COA1: variants seen among roughly 807,000 people sequenced by gnomAD.
COA1 encodes the protein cytochrome c oxidase assembly factor 1 homolog.
In COA1, 13 loss-of-function variants were observed where a neutral mutation model predicts 16.0. The ratio of observed to expected loss-of-function variants is 0.81; its 90% CI spans 0.53 to 1.29. The LOEUF is 1.29. COA1 is among the 50% of genes most tolerant of loss of function. The probability of loss-of-function intolerance (pLI) is 0.00; values close to 1 mark genes in which losing one functional copy is unlikely to be tolerated. For synonymous variants in COA1, 65 were observed against 65.7 expected, an observed-to-expected ratio of 0.99 and a Z score of 0.05; for missense variants, 179 against 177.0, an observed-to-expected ratio of 1.01 and a Z score of -0.06.
chr7:43,714,373 A>G (rs2095336034), intron 1 of COA1, among the ~76,000 whole-genome samples: 1 of 152,142 alleles, frequency 6.6e-6, no homozygotes, highest in Admixed American at 6.5e-5. Context: ...CATACCTGTA[A>G]TCCCAGCACT....
chr7:43,661,411 C>T (rs993229250), intron 1 of COA1, among the ~76,000 whole-genome samples: 2 of 152,134 alleles, frequency 1.3e-5, no homozygotes, highest in East Asian at 1.9e-4. Flanking sequence ...CCAAAGCGGG[C>T]GGATCACAGG....
At chr7:43,694,450 T>A (rs74920080) in intron 1 of COA1, among the ~76,000 whole-genome samples, 5 of 152,070 alleles carry the variant, frequency 3.3e-5, no homozygotes, top group Non-Finnish European at 7.4e-5. Context: ...AAACAACTCC[T>A]GTGAAAGTCT....
intron 1 of COA1, among the ~76,000 whole-genome samples, chr7:43,719,070 C>G (rs1309219347): frequency 6.6e-6 from 1 of 151,556 alleles, no homozygotes; most frequent in Non-Finnish European, 1.5e-5. Context: ...CTCCCAGGTT[C>G]AAGCAATTCT....
intron 4 of COA1, chr7:43,641,360 CTACTT>C (rs2087043138): frequency 6.8e-6 from 1 of 148,006 alleles, no homozygotes; most frequent in Non-Finnish European, 1.5e-5. Flanking sequence ...ATATTAAACT[CTACTT>C]AATGATATAT....
chr7:43,661,560 G>A (rs552376600), intron 1 of COA1, among the ~76,000 whole-genome samples: 66 of 152,152 alleles, frequency 4.3e-4, no homozygotes, highest in South Asian at 6.2e-4. Context: ...GCGTGAACCC[G>A]GGAGGCGGAG....
intron 1 of COA1, among the ~76,000 whole-genome samples, chr7:43,722,716 T>C (rs1207785459): frequency 6.6e-6 from 1 of 152,252 alleles, no homozygotes; most frequent in African/African-American, 2.4e-5. Context: ...ACATTCTTTA[T>C]GTGATTGCAT....
intron 1 of COA1, among the ~76,000 whole-genome samples, chr7:43,707,247 A>T (rs187144338): frequency 6.6e-6 from 1 of 152,370 alleles, no homozygotes; most frequent in East Asian, 1.9e-4. Flanking sequence ...TAATAAATAC[A>T]ACATCAAGAC....
rs1031326105 is a variant in COA1 at position 43,647,617 on chromosome 7, C to A, written c.33G>T (p.Arg11=). The A allele has an allele frequency of 1.9e-6, 3 of 1,612,520 alleles. No homozygotes were observed. The highest frequency in any genetic ancestry group is 2.7e-5 in the African/African-American group (2 of 74,886). Residue 11 remains arginine (R), a synonymous_variant, in exon 3 of 6, where the codon CGG becomes CGT. Coordinates refer to ENST00000223336, the MANE Select transcript of COA1 (RefSeq NM_018224.4). ...GGATCCTTGCTCCCAGAGGCATTGA[C>A]CGCCTGCTTCCTGCATACTTAAAAA... MMWQKYAGSR[R]SMPLGARILF...
At chr7:43,691,271 A>G (rs1225855798) in intron 1 of COA1, among the ~76,000 whole-genome samples, 2 of 26,562 alleles carry the variant, frequency 7.5e-5, no homozygotes, top group African/African-American at 1.8e-4. Context: ...AAAGAAAAGA[A>G]AGAAAGAAAG....
At chr7:43,687,844 G>A (rs1263776197) in intron 1 of COA1, among the ~76,000 whole-genome samples, 1 of 152,120 alleles carries the variant, frequency 6.6e-6, no homozygotes, top group Admixed American at 6.5e-5. Context: ...AACAGGCAGT[G>A]ATATGGTTTG....
At chr7:43,721,488 AT>A (rs2095503998) in intron 1 of COA1, among the ~76,000 whole-genome samples, 1 of 152,210 alleles carries the variant, frequency 6.6e-6, no homozygotes, top group African/African-American at 2.4e-5. Context: ...TCAAAAAAAA[AT>A]GAAGAGACTG....
At chr7:43,655,792 G>A (rs1258956306) in intron 1 of COA1, among the ~76,000 whole-genome samples, 1 of 152,184 alleles carries the variant, frequency 6.6e-6, no homozygotes, top group Non-Finnish European at 1.5e-5. Context: ...AACAGGAGGA[G>A]GCAGAATTGA....
chr7:43,638,566 CTTTTTTTTT>C (rs746584234), downstream of COA1, among the ~76,000 whole-genome samples: 18 of 97,420 alleles, frequency 1.8e-4, no homozygotes, highest in Non-Finnish European at 3.0e-4. Flanking sequence ...TTTTTCTTTC[CTTTTTTTTT>C]TTTTTTTTTT....
chr7:43,624,472 A>C, intron 6 of COA1: 2 of 1,532,922 alleles, frequency 1.3e-6, no homozygotes, highest in Non-Finnish European at 1.8e-6. Flanking sequence ...TCTAATTTTA[A>C]TTGAAGTTCT....
chr7:43,705,173 C>T (rs2094923163), intron 1 of COA1, among the ~76,000 whole-genome samples: 1 of 152,178 alleles, frequency 6.6e-6, no homozygotes, highest in South Asian at 2.1e-4. Flanking sequence ...GTACCTACTG[C>T]TCTGAAGGAG....
At chr7:43,698,806 C>G (rs1259953699) in intron 1 of COA1, among the ~76,000 whole-genome samples, 1 of 152,210 alleles carries the variant, frequency 6.6e-6, no homozygotes, top group African/African-American at 2.4e-5. Context: ...TCAGTTCTCA[C>G]TGATTAAATC....
intron 1 of COA1, among the ~76,000 whole-genome samples, chr7:43,696,953 T>C (rs2094547462): frequency 6.6e-6 from 1 of 151,952 alleles, no homozygotes; most frequent in East Asian, 1.9e-4. Flanking sequence ...TGAAACCCCA[T>C]ATCTACTAAA....
At chr7:43,667,865 T>A (rs1025664622) in intron 1 of COA1, among the ~76,000 whole-genome samples, 1 of 152,236 alleles carries the variant, frequency 6.6e-6, no homozygotes, top group Non-Finnish European at 1.5e-5. Flanking sequence ...TAACTATTTA[T>A]GGCCTTTAAT....
At position 43,644,817 on chromosome 7, in the gene COA1, G is replaced by GAGAGAGAGAGAGAGAGAC. The variant is rs1554501890; in HGVS notation, c.264+416_264+433dup. Reference sequence around the variant, plus strand: ...AGAGAGACAGAGAGAGAGAGAGAGAGAGAGAGAGAGAGAGAGACAGGGTCT... The same window carrying GAGAGAGAGAGAGAGAGAC: ...AGAGAGACAGAGAGAGAGAGAGAGAGAGAGAGAGAGAGAGAGACAGAGAGAGAGAGAGAGACAGGGTCT... On this transcript the variant is annotated intron_variant, in intron 4 of 5. Coordinates refer to ENST00000223336, the MANE Select transcript of COA1 (RefSeq NM_018224.4). 8.8e-4 allele frequency among the ~76,000 whole-genome samples: 111 copies of GAGAGAGAGAGAGAGAGAC among 126,734 alleles called. 6 individuals carry two copies. Among genetic ancestry groups the GAGAGAGAGAGAGAGAGAC allele is most frequent in the Non-Finnish European group, 1.4e-3 (72 of 52,158 alleles). 83.1% of individuals were successfully genotyped at this position (126,734 alleles called of 152,430 possible). A position where few individuals can be genotyped will look rare whatever the true frequency, so the allele number is the denominator to read the frequency against.
Sources: allele counts gnomAD v4.1 joint callset (sites outside exome capture counted in the v4.1 genomes callset), GRCh38; gene constraint gnomAD v4.1.1; transcripts MANE v1.5; gene names NCBI Gene and HGNC (gene_info 2026-07-23, HGNC 2026-07-21).